Variants in OSBPL10 observed in about 807,000 individuals in gnomAD.
OSBPL10 encodes oxysterol binding protein like 10.
OSBPL10 carries 49 observed loss-of-function variants against 81.7 expected under a neutral mutation model. The ratio of observed to expected loss-of-function variants is 0.60; its 90% CI spans 0.48 to 0.76. OSBPL10 has a LOEUF of 0.76. Among genes scored for constraint, OSBPL10 ranks in the 30% least tolerant of loss-of-function variants. OSBPL10 has a pLI of 0.00. For synonymous variants in OSBPL10, 419 were observed against 383.6 expected (o/e 1.09, Z -1.08); for missense variants, 923 against 987.8 (o/e 0.93, Z 0.88).
chr3:31,815,385 T>C (rs143620888), intron 4 of OSBPL10, among the ~76,000 whole-genome samples: 73 of 152,342 alleles, frequency 4.8e-4, no homozygotes, highest in Non-Finnish European at 9.1e-4. Context: ...TTTACAGCAA[T>C]AGATAATCAG....
chr3:31,992,709 C>G (rs1472036664), intron 2 of OSBPL10, among the ~76,000 whole-genome samples: 3 of 152,178 alleles, frequency 2.0e-5, no homozygotes, highest in Admixed American at 1.3e-4. Flanking sequence ...ACAAACAAAC[C>G]TTGGCCAGGC....
intron 5 of OSBPL10, 148 bp downstream of exon 5, chr3:31,747,762 T>C (rs976498811): frequency 3.8e-6 from 3 of 791,396 alleles, no homozygotes; most frequent in Non-Finnish European, 6.2e-6. Flanking sequence ...TCCCAAACAG[T>C]AGAGACGAAG....
intron 2 of OSBPL10, among the ~76,000 whole-genome samples, chr3:32,000,513 CATATAAAGG>C (rs1355786196): frequency 1.3e-5 from 2 of 152,182 alleles, no homozygotes; most frequent in Admixed American, 6.5e-5. Flanking sequence ...TGCTGACTCC[CATATAAAGG>C]ATAATCAATG....
chr3:31,809,322 A>G (rs57616564), intron 4 of OSBPL10, among the ~76,000 whole-genome samples: 1,752 of 152,320 alleles, frequency 0.012, 21 homozygotes, highest in East Asian at 0.071. Flanking sequence ...AGAACATGTA[A>G]TGGAAAAAGT....
chr3:32,067,290 G>A lies in OSBPL10; in HGVS notation n.185+10106C>T, dbSNP rs537565135. On this transcript the variant is annotated intron_variant and non_coding_transcript_variant, in intron 1 of 3. Coordinates refer to the OSBPL10 transcript ENST00000479173. ...ATTTATATCTTGCCTTCCCAAGTGG[G>A]ACCCTTGGGAAGGGACCCCTTCTGT... is the stretch of plus-strand genomic sequence containing the variant. Among the ~76,000 whole-genome samples the A allele has an allele frequency of 4.6e-5, 7 of 152,148 alleles. No individual in the cohort carries two copies. In the South Asian group the frequency reaches 1.0e-3, roughly 23 times the overall value.
intron 8 of OSBPL10, among the ~76,000 whole-genome samples, chr3:31,681,477 CTT>C (rs1419102886): frequency 6.6e-6 from 1 of 152,164 alleles, no homozygotes; most frequent in Non-Finnish European, 1.5e-5. Flanking sequence ...TCTCTCTTGA[CTT>C]TATTCTAGTC....
At position 31,745,804 on chromosome 3, in the gene OSBPL10, T is replaced by C. The variant is rs758535455; in HGVS notation, c.940+2106A>G. Among the ~76,000 whole-genome samples, 3 of 152,234 alleles carry C rather than the reference T, an allele frequency of 2.0e-5. No individual in the cohort carries two copies. In the East Asian group the frequency reaches 5.8e-4, roughly 29 times the overall value. On this transcript the variant is annotated intron_variant, in intron 5 of 11. Coordinates refer to ENST00000396556, the MANE Select transcript of OSBPL10 (RefSeq NM_017784.5). ...AAAGGCCAAGTTCAGTAAATGATGG[T>C]GGGTTTCACCAAAAGAAAACCAAAT...
rs373969541 is a variant in OSBPL10, at chr3:31,668,633, G to A, written c.2096+9C>T. The stretch of plus-strand genomic sequence containing the variant: ...TAAGCTGGAGAGGAAGACACAGCCC[G>A]GTTCTCACCTGGACTCCATGGGTCC... On this transcript the variant is annotated intron_variant, in intron 10 of 11. Transcript: ENST00000396556. 2.6e-5 allele frequency: 42 copies of A among 1,605,278 alleles called. No homozygotes were observed. The highest frequency in any genetic ancestry group is 1.7e-4 in the Middle Eastern group (1 of 6,024).
chr3:31,961,536 T>C lies in OSBPL10; in HGVS notation c.281+19363A>G, dbSNP rs1698159831. On this transcript the variant is annotated intron_variant, in intron 1 of 11. Transcript: ENST00000396556. ...TTAGAGAGTGTGTGTGTTAATAATG[T>C]TAATAATGCTAATAATGCTGGGAGG... Among the ~76,000 whole-genome samples, 3 of 152,308 alleles carry C rather than the reference T, an allele frequency of 2.0e-5. No individual in the cohort carries two copies. In the South Asian group the frequency reaches 6.2e-4, roughly 32 times the overall value.
At chr3:31,874,877 G>A (rs984376733) in intron 3 of OSBPL10, among the ~76,000 whole-genome samples, 3 of 151,864 alleles carry the variant, frequency 2.0e-5, no homozygotes, top group Non-Finnish European at 4.4e-5. Flanking sequence ...ACACCTAGAG[G>A]TATAAGAATA....
intron 4 of OSBPL10, among the ~76,000 whole-genome samples, chr3:31,770,512 C>T (rs1305598004): frequency 6.6e-6 from 1 of 152,210 alleles, no homozygotes; most frequent in Admixed American, 6.5e-5. Flanking sequence ...TGAGGCCTGG[C>T]ACGGTGGCTC....
At chr3:32,069,087 C>G (rs1460284220) in intron 1 of OSBPL10, among the ~76,000 whole-genome samples, 4 of 152,150 alleles carry the variant, frequency 2.6e-5, no homozygotes, top group African/African-American at 4.8e-5. Context: ...AAGGCATAGT[C>G]AGGGTACATG....
chr3:31,886,433 C>A (rs749599188), intron 1 of OSBPL10, among the ~76,000 whole-genome samples: 57 of 152,192 alleles, frequency 3.7e-4, no homozygotes, highest in Non-Finnish European at 5.3e-4. Context: ...CCTTCTGCCA[C>A]GTGAAAGAGG....
intron 1 of OSBPL10, among the ~76,000 whole-genome samples, chr3:31,913,867 A>G (rs1191692570): frequency 1.3e-5 from 2 of 152,198 alleles, no homozygotes; most frequent in African/African-American, 2.4e-5. Context: ...CGGAGAACCA[A>G]GAACTAACCA....
intron 2 of OSBPL10, among the ~76,000 whole-genome samples, chr3:32,031,067 C>T (rs1180762585): frequency 1.3e-5 from 2 of 151,740 alleles, no homozygotes; most frequent in South Asian, 2.1e-4. Context: ...ACTGGAGAGG[C>T]TGAGGCAGAA....
At chr3:31,789,462 G>C (rs1466099644) in intron 4 of OSBPL10, among the ~76,000 whole-genome samples, 4 of 152,140 alleles carry the variant, frequency 2.6e-5, no homozygotes, top group Non-Finnish European at 4.4e-5. Context: ...AAGCTTAGAA[G>C]TCTAAATTGT....
chr3:31,662,900 G>C, intron 11 of OSBPL10: 4 of 985,458 alleles, frequency 4.1e-6, no homozygotes, highest in Non-Finnish European at 4.8e-6. Flanking sequence ...CCTCACCTGG[G>C]CAGGGCTCCC....
intron 5 of OSBPL10, among the ~76,000 whole-genome samples, chr3:31,738,933 T>A (rs1459449480): frequency 6.6e-6 from 1 of 151,530 alleles, no homozygotes; most frequent in Non-Finnish European, 1.5e-5. Flanking sequence ...AAACTGGTAG[T>A]AAGCAATGAA....
chr3:31,898,235 A>C (rs1188230462), intron 1 of OSBPL10, among the ~76,000 whole-genome samples: 3 of 152,080 alleles, frequency 2.0e-5, no homozygotes, highest in African/African-American at 7.2e-5. Flanking sequence ...ATAGTTAGTA[A>C]TAATCCATTA....
Sources: allele counts gnomAD v4.1 joint callset (sites outside exome capture counted in the v4.1 genomes callset), GRCh38; gene constraint gnomAD v4.1.1; transcripts MANE v1.5; gene names NCBI Gene and HGNC (gene_info 2026-07-23, HGNC 2026-07-21).